SYT12: variants seen among roughly 807,000 people sequenced by gnomAD.
The protein encoded by SYT12 is synaptotagmin 12.
A neutral mutation model predicts 39.5 loss-of-function variants in SYT12; 27 were observed. The ratio of observed to expected loss-of-function variants is 0.68; its 90% confidence interval spans 0.50 to 0.94. The LOEUF (loss-of-function observed/expected upper bound fraction) is 0.94. SYT12 is among the 40% of genes least tolerant of loss of function. The pLI is 0.00. For synonymous variants in SYT12, 233 were observed against 239.7 expected, an observed-to-expected ratio of 0.97 and a Z score of 0.26; for missense variants, 536 against 572.6, an observed-to-expected ratio of 0.94 and a Z score of 0.65.
chr11:67,031,458 A>G (rs1056435711), intron 2 of SYT12: 7 of 152,314 alleles, frequency 4.6e-5, no homozygotes, highest in African/African-American at 1.7e-4. Flanking sequence ...TAAAATGGGG[A>G]AAACAATAGA....
At chr11:67,045,560 T>C in intron 6 of SYT12, 184 bp from the exon 7 acceptor site, 1 of 830,504 alleles carries the variant, frequency 1.2e-6, no homozygotes, top group Non-Finnish European at 1.8e-6. Context: ...CCTGACGTGC[T>C]GTGTGAGCCT....
At chr11:67,034,392 T>G (rs1565335766) in intron 2 of SYT12, among the ~76,000 whole-genome samples, 1 of 152,178 alleles carries the variant, frequency 6.6e-6, no homozygotes, top group Non-Finnish European at 1.5e-5. Flanking sequence ...GATTTCAGAT[T>G]TTTGGATTAG....
Position 67,048,571 on chromosome 11 carries a change from G to T in SYT12, c.1093-13G>T. ...GCCCCTGGTCCTCAGCACCCATGTT[G>T]CCTCTTCCTCAGGACCTGTCTCTCC... On this transcript the variant is annotated splice_polypyrimidine_tract_variant and intron_variant, in intron 7 of 7. Transcript: ENST00000527043. 1 of 1,588,674 alleles carries T rather than the reference G, an allele frequency of 6.3e-7. No individual in the cohort carries two copies.
In SYT12 at chr11:67,035,458, C is replaced by CTTT. The variant is rs1213047598; in HGVS notation, c.228+635_228+637dup. ...TTCTTTTTCTTTTTCTTTTTCTTTTCTTTTTTTTTTTTTTTTTGAGACGGA... is the reference window on the plus strand; with the variant it reads ...TTCTTTTTCTTTTTCTTTTTCTTTTCTTTTTTTTTTTTTTTTTTTTGAGACGGA... On this transcript the variant is annotated intron_variant, in intron 3 of 7. Transcript: ENST00000527043. Among the ~76,000 whole-genome samples, 11 of 90,232 alleles carry CTTT rather than the reference C, an allele frequency of 1.2e-4. 1 individual carries two copies. The highest frequency in any genetic ancestry group is 3.5e-4 in the African/African-American group (7 of 19,808). The allele number at this position is 90,232 out of a possible 152,430, so 59.2% of individuals were successfully genotyped here. A position where few individuals can be genotyped will look rare whatever the true frequency, so the allele number is the denominator to read the frequency against.
chr11:67,049,021 G>A lies in SYT12; in HGVS notation c.*264G>A. ...GGACTCAACCCTGCTCCTCCCGGTA[G>A]GCCAGCTGCCGAGCTGGGCTATGTT... On this transcript the variant is annotated 3_prime_UTR_variant, in exon 8 of 8. Transcript: ENST00000527043. 1 of 393,688 alleles carries A rather than the reference G, an allele frequency of 2.5e-6. No individual in the cohort carries two copies. Among genetic ancestry groups the A allele is most frequent in the South Asian group, 7.6e-5 (1 of 13,210 alleles). The allele number at this position is 393,688 out of a possible 1,614,324, so 24.4% of individuals were successfully genotyped here.
rs748226095 is a variant in SYT12 at position 67,041,340 on chromosome 11, G to A, written c.621+1137G>A. 3.9e-5 allele frequency among the ~76,000 whole-genome samples: 6 copies of A among 151,982 alleles called. No individual in the cohort carries two copies. The South Asian group carries it at 1.2e-3, about 32-fold the overall frequency. ...TACAAAAATTAGCAGGGCATGTGGT[G>A]CACACCTGTAATCCCAGCTATTGAG... On this transcript the variant is annotated intron_variant, in intron 4 of 7. Transcript: ENST00000527043.
At chr11:67,032,661 T>C (rs962281141) in intron 2 of SYT12, 1 of 152,284 alleles carries the variant, frequency 6.6e-6, no homozygotes, top group African/African-American at 2.4e-5. Context: ...CCCAGCACTT[T>C]GGGAGGCCAA....
At chr11:67,020,789 C>T (rs769880199), upstream of SYT12, among the ~76,000 whole-genome samples, 32 of 152,260 alleles carry the variant, frequency 2.1e-4, no homozygotes, top group Non-Finnish European at 3.7e-4. Context: ...AGTGCAGTGG[C>T]GTGATCTCAG....
intron 3 of SYT12, among the ~76,000 whole-genome samples, chr11:67,017,959 T>C (rs1003644020): frequency 3.5e-5 from 5 of 144,084 alleles, no homozygotes; most frequent in African/African-American, 1.3e-4. Flanking sequence ...AGGCTACATA[T>C]CAAAGAAAAA....
intron 2 of SYT12, among the ~76,000 whole-genome samples, chr11:67,033,454 T>A (rs890387586): frequency 7.9e-5 from 12 of 152,146 alleles, no homozygotes; most frequent in African/African-American, 2.2e-4. Context: ...CCAGGATGGG[T>A]GCTCAATGGA....
At chr11:67,036,300 G>A (rs554399490) in intron 3 of SYT12, among the ~76,000 whole-genome samples, 2 of 152,200 alleles carry the variant, frequency 1.3e-5, no homozygotes, top group South Asian at 4.1e-4. Flanking sequence ...ATGGCTGTAT[G>A]AGATTCTTTT....
rs1381490887 is a variant in SYT12 at position 67,045,775 on chromosome 11, T to C, written c.990T>C (p.Asp330=). ...DPFVKVYLLQ[D]GRKMSKKKTA... Reference sequence around the variant, plus strand: ...TCGTCAAGGTGTACCTGCTGCAGGATGGGAGGAAGATGAGCAAAAAGAAGA... The same window carrying C: ...TCGTCAAGGTGTACCTGCTGCAGGACGGGAGGAAGATGAGCAAAAAGAAGA... The change falls in exon 7 of 8, where the codon GAT becomes GAC. Residue 330 remains aspartate (D), a synonymous_variant. Transcript: ENST00000527043. The C allele has an allele frequency of 1.9e-6, 3 of 1,613,416 alleles. No individual in the cohort carries two copies. Among genetic ancestry groups the C allele is most frequent in the Non-Finnish European group, 2.5e-6 (3 of 1,179,920 alleles).
At chr11:67,025,994 G>T (rs1950175692) in intron 1 of SYT12, among the ~76,000 whole-genome samples, 1 of 152,020 alleles carries the variant, frequency 6.6e-6, no homozygotes, top group South Asian at 2.1e-4. Context: ...CCACAGCTTT[G>T]CTGGGCGTGG....
intron 3 of SYT12, 147 bp from the exon 4 acceptor site, chr11:67,039,664 C>G (rs1236416733): frequency 1.0e-6 from 1 of 984,158 alleles, no homozygotes; most frequent in Non-Finnish European, 1.5e-6. Context: ...TAAACAGCGA[C>G]CTTCCTAGCT....
intron 1 of SYT12, among the ~76,000 whole-genome samples, chr11:67,025,940 T>G (rs1950175190): frequency 6.6e-6 from 1 of 152,178 alleles, no homozygotes; most frequent in Non-Finnish European, 1.5e-5. Flanking sequence ...CTACCACCGC[T>G]GGCTGTGTGG....
chr11:67,034,338 CG>C (rs1950320648), intron 2 of SYT12, among the ~76,000 whole-genome samples: 4 of 152,116 alleles, frequency 2.6e-5, no homozygotes, highest in Admixed American at 2.6e-4. Context: ...AAATATTTTG[CG>C]GGCCGACATG....
At chr11:67,035,827 TTC>T in intron 3 of SYT12, among the ~76,000 whole-genome samples, 1 of 96,546 alleles carries the variant, frequency 1.0e-5, no homozygotes, top group Non-Finnish European at 2.0e-5. Flanking sequence ...CCTTCCTTCC[TTC>T]CTTCCTTCCT....
intron 3 of SYT12, among the ~76,000 whole-genome samples, chr11:67,039,588 T>A (rs1253251601): frequency 6.6e-6 from 1 of 152,184 alleles, no homozygotes; most frequent in Non-Finnish European, 1.5e-5. Flanking sequence ...CACTCCAGCC[T>A]GGGCAACAAG....
chr11:67,045,762 A>C lies in SYT12; in HGVS notation c.977A>C (p.Tyr326Ser). Reference protein sequence around the residue: ...KTTADPFVKVYLLQDGRKMSK... With the variant: ...KTTADPFVKVSLLQDGRKMSK... Reference sequence around the variant, plus strand: ...CCCACAGACCCCTTCGTCAAGGTGTACCTGCTGCAGGATGGGAGGAAGATG... The same window carrying C: ...CCCACAGACCCCTTCGTCAAGGTGTCCCTGCTGCAGGATGGGAGGAAGATG... The change falls in exon 7 of 8, where the codon TAC (tyrosine) becomes TCC (serine). Residue 326 changes from tyrosine (Y) to serine (S), a missense_variant. By Grantham distance (144) the Tyr-to-Ser change is moderately radical. Coordinates refer to ENST00000527043, the MANE Select transcript of SYT12 (RefSeq NM_177963.4). The C allele has an allele frequency of 6.2e-7, 1 of 1,613,800 alleles. No individual in the cohort carries two copies. Among genetic ancestry groups the C allele is most frequent in the Non-Finnish European group, 8.5e-7 (1 of 1,179,918 alleles).
Sources: allele counts gnomAD v4.1 joint callset (sites outside exome capture counted in the v4.1 genomes callset), GRCh38; gene constraint gnomAD v4.1.1; transcripts MANE v1.5; gene names NCBI Gene and HGNC (gene_info 2026-07-23, HGNC 2026-07-21).